Variants in PLS1 observed in about 807,000 individuals in gnomAD.
PLS1 encodes the protein plastin 1.
In PLS1, 32 loss-of-function variants were observed where a neutral mutation model predicts 73.7. That is an observed-to-expected ratio of 0.43 (90% CI 0.33 to 0.58). The LOEUF is 0.58. Ranked by LOEUF, PLS1 falls within the 20% of genes least tolerant of loss-of-function variation. The pLI, the probability that PLS1 is intolerant of heterozygous loss-of-function variation, is 0.04. For synonymous variants in PLS1, 217 were observed against 261.3 expected (o/e 0.83, Z 1.63); for missense variants, 633 against 740.5 (o/e 0.85, Z 1.68).
intron 1 of PLS1, among the ~76,000 whole-genome samples, chr3:142,635,683 A>G (rs570714759): frequency 6.6e-6 from 1 of 152,244 alleles, no homozygotes; most frequent in South Asian, 2.1e-4. Context: ...CCCAAAATCA[A>G]TCCTTAGGTT....
chr3:142,696,429 G>GAT (rs758198321), intron 11 of PLS1, among the ~76,000 whole-genome samples: 1 of 152,134 alleles, frequency 6.6e-6, no homozygotes, highest in Non-Finnish European at 1.5e-5. Flanking sequence ...AGAACCGTCA[G>GAT]ATGTAGAAGA....
intron 10 of PLS1, among the ~76,000 whole-genome samples, chr3:142,691,422 CTG>C (rs2038084429): frequency 6.6e-6 from 1 of 152,056 alleles, no homozygotes; most frequent in Non-Finnish European, 1.5e-5. Context: ...CAAAATCCCT[CTG>C]TCAGTAGAAG....
chr3:142,609,499 A>G (rs1328692039), intron 1 of PLS1, among the ~76,000 whole-genome samples: 1 of 152,202 alleles, frequency 6.6e-6, no homozygotes, highest in African/African-American at 2.4e-5. Context: ...TGTTGGCTAG[A>G]ACTAAGCTCA....
intron 1 of PLS1, among the ~76,000 whole-genome samples, chr3:142,648,047 G>T (rs1253136273): frequency 6.6e-6 from 1 of 152,166 alleles, no homozygotes; most frequent in Admixed American, 6.5e-5. Context: ...CCCTTACTAA[G>T]TTGTAAACTC....
intron 1 of PLS1, among the ~76,000 whole-genome samples, chr3:142,620,271 C>A (rs372568661): frequency 1.6e-4 from 25 of 152,214 alleles, no homozygotes; most frequent in African/African-American, 5.8e-4. Flanking sequence ...ATTACAGGCA[C>A]CTGCCACCAT....
intron 1 of PLS1, among the ~76,000 whole-genome samples, chr3:142,663,293 A>C (rs1424358597): frequency 6.6e-6 from 1 of 152,186 alleles, no homozygotes; most frequent in Non-Finnish European, 1.5e-5. Context: ...GGATAGAAGG[A>C]TTATGAGTAA....
intron 1 of PLS1, among the ~76,000 whole-genome samples, chr3:142,612,167 T>C (rs1028399707): frequency 5.3e-5 from 8 of 152,240 alleles, no homozygotes; most frequent in African/African-American, 1.7e-4. Flanking sequence ...AATAAGTGCT[T>C]TAATAGTTCT....
At chr3:142,641,514 T>C (rs2036840344) in intron 1 of PLS1, among the ~76,000 whole-genome samples, 2 of 151,854 alleles carry the variant, frequency 1.3e-5, no homozygotes, top group African/African-American at 4.8e-5. Context: ...GAATTCCTTT[T>C]TGTTTTAATC....
At chr3:142,606,547 T>TAATTG (rs2036021767) in intron 1 of PLS1, among the ~76,000 whole-genome samples, 1 of 152,194 alleles carries the variant, frequency 6.6e-6, no homozygotes, top group South Asian at 2.1e-4. Context: ...TAGTCAGTTT[T>TAATTG]ACAATATTTT....
intron 1 of PLS1, among the ~76,000 whole-genome samples, chr3:142,625,851 G>A (rs1485375185): frequency 2.6e-5 from 4 of 152,082 alleles, no homozygotes; most frequent in Non-Finnish European, 4.4e-5. Context: ...GCATACGCCT[G>A]TAGTCCCAGC....
intron 14 of PLS1, among the ~76,000 whole-genome samples, chr3:142,705,246 A>C (rs1285839015): frequency 6.6e-6 from 1 of 152,212 alleles, no homozygotes; most frequent in African/African-American, 2.4e-5. Context: ...TATAGGACCT[A>C]TAATGTTTTG....
At position 142,712,869 on chromosome 3, in the gene PLS1, C is replaced by G. The variant is rs1933199591; in HGVS notation, c.*862C>G. 6.6e-6 allele frequency: 1 copy of G among 152,524 alleles called. No homozygotes were observed. The highest frequency in any genetic ancestry group is 2.4e-5 in the African/African-American group (1 of 41,430). 9.4% of individuals were successfully genotyped at this position (152,524 alleles called of 1,614,324 possible). ...GTGGATATCTGATACATTAAGATTT[C>G]TTTTTATAAGTATTCATTTTGAATG... On this transcript the variant is annotated 3_prime_UTR_variant, in exon 16 of 16. Transcript: ENST00000457734.
chr3:142,667,835 G>C (rs1577864728), intron 2 of PLS1, among the ~76,000 whole-genome samples: 1 of 152,138 alleles, frequency 6.6e-6, no homozygotes, highest in Middle Eastern at 3.2e-3. Context: ...TTCTGAACTG[G>C]TCATGTAATG....
chr3:142,619,114 C>T (rs981779966), intron 1 of PLS1, among the ~76,000 whole-genome samples: 1 of 152,128 alleles, frequency 6.6e-6, no homozygotes, highest in Non-Finnish European at 1.5e-5. Context: ...GAAAACATTT[C>T]AGGGCCAGAT....
chr3:142,652,581 G>C (rs770886506), intron 1 of PLS1, among the ~76,000 whole-genome samples: 2 of 152,174 alleles, frequency 1.3e-5, no homozygotes, highest in Non-Finnish European at 2.9e-5. Context: ...CACAGAGTAG[G>C]AGGCGGGGGA....
intron 12 of PLS1, among the ~76,000 whole-genome samples, chr3:142,702,439 T>G (rs1283790421): frequency 6.6e-6 from 1 of 152,222 alleles, no homozygotes. Context: ...AATATTTTCT[T>G]ACTATTGGGG....
chr3:142,701,518 T>C (rs1299163333), intron 12 of PLS1, among the ~76,000 whole-genome samples: 1 of 152,210 alleles, frequency 6.6e-6, no homozygotes, highest in Non-Finnish European at 1.5e-5. Flanking sequence ...TACACATGGA[T>C]TACCTCTAGG....
At position 142,712,485 on chromosome 3, in the gene PLS1, C is replaced by G. The variant is rs961045532; in HGVS notation, c.*478C>G. On this transcript the variant is annotated 3_prime_UTR_variant, in exon 16 of 16. Coordinates refer to ENST00000457734, the MANE Select transcript of PLS1 (RefSeq NM_001145319.2). ...TCCAAAAACACTTTTCTGTAAGTTT[C>G]TATACTGTCTAAAACCTTATGGTGA... is the stretch of plus-strand genomic sequence containing the variant. 4 of 153,812 alleles carry G rather than the reference C, an allele frequency of 2.6e-5. No individual in the cohort carries two copies. Among genetic ancestry groups the G allele is most frequent in the African/African-American group, 9.7e-5 (4 of 41,434 alleles). 9.5% of individuals were successfully genotyped at this position (153,812 alleles called of 1,614,324 possible). A position where few individuals can be genotyped will look rare whatever the true frequency, so the allele number is the denominator to read the frequency against.
chr3:142,656,519 T>C (rs1359167519), intron 1 of PLS1: 3 of 152,176 alleles, frequency 2.0e-5, no homozygotes, highest in Non-Finnish European at 4.4e-5. Flanking sequence ...GAAAATCTGA[T>C]AAAAAATGGA....
Sources: gnomAD v4.1 joint callset for allele counts (sites outside exome capture counted in the v4.1 genomes callset) on GRCh38, gnomAD v4.1.1 for gene constraint, MANE v1.5 for transcripts, NCBI Gene and HGNC (gene_info 2026-07-23, HGNC 2026-07-21) for gene names.